Variants in FBXL20 observed in about 807,000 individuals in gnomAD.
The protein encoded by FBXL20 is F-box and leucine rich repeat protein 20, also known as F-box/LRR-repeat protein 20.
Under a neutral mutation model 64.0 loss-of-function variants are expected in FBXL20, and 11 were observed. That is an observed-to-expected ratio of 0.17 (90% confidence interval 0.11 to 0.28). The LOEUF is 0.28. Among genes scored for constraint, FBXL20 ranks in the 10% least tolerant of loss-of-function variants. The probability of loss-of-function intolerance (pLI) is 1.00; values close to 1 mark genes in which losing one functional copy is unlikely to be tolerated. For synonymous variants in FBXL20, 184 were observed against 189.0 expected, an observed-to-expected ratio of 0.97 and a Z score of 0.22; for missense variants, 303 against 526.2, an observed-to-expected ratio of 0.58 and a Z score of 4.15.
chr17:39,277,787 T>A (rs1412078951), intron 9 of FBXL20, among the ~76,000 whole-genome samples: 5 of 146,834 alleles, frequency 3.4e-5, no homozygotes, highest in Non-Finnish European at 6.0e-5. Flanking sequence ...TAAAATTTAC[T>A]AAACTTTTAT....
At chr17:39,337,198 G>C (rs2047531522) in intron 2 of FBXL20, among the ~76,000 whole-genome samples, 1 of 152,196 alleles carries the variant, frequency 6.6e-6, no homozygotes, top group Non-Finnish European at 1.5e-5. Context: ...GTGTTGGCCG[G>C]GCTGGTCTCC....
At chr17:39,267,811 A>G (rs1051637065) in intron 12 of FBXL20, among the ~76,000 whole-genome samples, 2 of 152,218 alleles carry the variant, frequency 1.3e-5, no homozygotes, top group African/African-American at 2.4e-5. Flanking sequence ...TTCAGAAGGA[A>G]TAACACTGGA....
upstream of FBXL20, chr17:39,401,668 G>A: frequency 7.9e-7 from 1 of 1,263,068 alleles, no homozygotes; most frequent in Non-Finnish European, 1.0e-6. Flanking sequence ...CTCCCCACCT[G>A]CCAGCAACGC....
chr17:39,361,289 T>C (rs943099491), intron 1 of FBXL20, among the ~76,000 whole-genome samples: 4 of 151,994 alleles, frequency 2.6e-5, no homozygotes, highest in Admixed American at 2.6e-4. Flanking sequence ...GTTGATGCTG[T>C]GAATGGAGTT....
intron 2 of FBXL20, among the ~76,000 whole-genome samples, chr17:39,340,925 T>C (rs1159067184): frequency 6.6e-6 from 1 of 151,684 alleles, no homozygotes; most frequent in East Asian, 1.9e-4. Flanking sequence ...TGCTGACCAA[T>C]TGTTTTCTAT....
intron 9 of FBXL20, among the ~76,000 whole-genome samples, chr17:39,276,481 C>A (rs921247472): frequency 6.6e-6 from 1 of 151,752 alleles, no homozygotes; most frequent in Non-Finnish European, 1.5e-5. Context: ...CCAGCCTGGC[C>A]AAGATGGTGA....
intron 9 of FBXL20, among the ~76,000 whole-genome samples, chr17:39,278,255 C>G (rs998107254): frequency 1.6e-4 from 24 of 152,098 alleles, no homozygotes; most frequent in African/African-American, 5.3e-4. Context: ...AAGTGAGTCT[C>G]CTGCCTCAGA....
intron 1 of FBXL20, among the ~76,000 whole-genome samples, chr17:39,355,890 T>G (rs2047733789): frequency 6.8e-6 from 1 of 146,140 alleles, no homozygotes. Context: ...CTCCTTTGCC[T>G]AATCCAATTT....
intron 1 of FBXL20, among the ~76,000 whole-genome samples, chr17:39,391,369 A>C: frequency 6.6e-6 from 1 of 152,152 alleles, no homozygotes; most frequent in East Asian, 1.9e-4. Flanking sequence ...ATGTAAGCAA[A>C]GAAATCTAAG....
chr17:39,396,561 A>C (rs2048185265), intron 1 of FBXL20, among the ~76,000 whole-genome samples: 1 of 149,008 alleles, frequency 6.7e-6, no homozygotes, highest in Admixed American at 6.8e-5. Flanking sequence ...GCACCATTGC[A>C]CTCTGACCTG....
chr17:39,348,279 G>C (rs1445238639), intron 1 of FBXL20, among the ~76,000 whole-genome samples: 1 of 152,002 alleles, frequency 6.6e-6, no homozygotes, highest in East Asian at 1.9e-4. Flanking sequence ...TGGCCAACAT[G>C]GTGAAACCCA....
At chr17:39,338,535 A>AAATAATAAT (rs34989636) in intron 2 of FBXL20, among the ~76,000 whole-genome samples, 2 of 151,228 alleles carry the variant, frequency 1.3e-5, no homozygotes, top group African/African-American at 2.4e-5. Context: ...GATCAATAAA[A>AAATAATAAT]AATAATAATA....
intron 7 of FBXL20, among the ~76,000 whole-genome samples, chr17:39,283,539 G>A (rs1463757714): frequency 6.6e-6 from 1 of 151,932 alleles, no homozygotes; most frequent in East Asian, 1.9e-4. Context: ...TGGCTCAACT[G>A]ATCCTCCCGC....
intron 6 of FBXL20, among the ~76,000 whole-genome samples, chr17:39,287,848 A>G (rs2047002339): frequency 6.6e-6 from 1 of 151,944 alleles, no homozygotes; most frequent in African/African-American, 2.4e-5. Flanking sequence ...TTCATGAGGG[A>G]CCCAGTTTTT....
At chr17:39,304,575 C>A (rs1265070689) in intron 2 of FBXL20, among the ~76,000 whole-genome samples, 3 of 152,106 alleles carry the variant, frequency 2.0e-5, no homozygotes, top group Non-Finnish European at 2.9e-5. Context: ...CATGTATGAG[C>A]CAACATGCTT....
At chr17:39,369,915 C>T (rs933787561) in intron 1 of FBXL20, among the ~76,000 whole-genome samples, 4 of 151,998 alleles carry the variant, frequency 2.6e-5, no homozygotes, top group East Asian at 3.9e-4. Flanking sequence ...ATTACAAACA[C>T]GAGCCACTGC....
chr17:39,394,795 G>C (rs1156946825), intron 1 of FBXL20, among the ~76,000 whole-genome samples: 1 of 152,066 alleles, frequency 6.6e-6, no homozygotes, highest in African/African-American at 2.4e-5. Flanking sequence ...CTGACCTCAA[G>C]TGATCCGCCC....
At position 39,362,188 on chromosome 17, in the gene FBXL20, G is replaced by A. The variant is rs571749064; in HGVS notation, c.43-18947C>T. On this transcript the variant is annotated intron_variant, in intron 1 of 14. Transcript: ENST00000264658. ...GGCGCCTGCAGTCCCAGCTACTCAGGAGGCTGAGGCAGGAGAATGGCGTGA... is the reference window on the plus strand; with the variant it reads ...GGCGCCTGCAGTCCCAGCTACTCAGAAGGCTGAGGCAGGAGAATGGCGTGA... Among the ~76,000 whole-genome samples, 4 of 152,154 alleles carry A rather than the reference G, an allele frequency of 2.6e-5. No homozygotes were observed. The South Asian group carries it at 6.2e-4, about 24-fold the overall frequency.
intron 1 of FBXL20, among the ~76,000 whole-genome samples, chr17:39,381,081 A>G (rs575260859): frequency 6.6e-6 from 1 of 151,858 alleles, no homozygotes; most frequent in South Asian, 2.1e-4. Context: ...ACTCACTTGA[A>G]CCCGGGAGGC....
Sources: allele counts gnomAD v4.1 joint callset (sites outside exome capture counted in the v4.1 genomes callset), GRCh38; gene constraint gnomAD v4.1.1; transcripts MANE v1.5; gene names NCBI Gene and HGNC (gene_info 2026-07-23, HGNC 2026-07-21).